ASB11: variants seen among roughly 807,000 people sequenced by gnomAD.
ASB11 encodes ankyrin repeat and SOCS box protein 11.
ASB11 carries 17 observed loss-of-function variants against 20.1 expected under a neutral mutation model. The observed-to-expected ratio is 0.85, with a 90% CI of 0.58 to 1.27. The LOEUF (loss-of-function observed/expected upper bound fraction) is 1.27, where lower values mean the gene tolerates loss of function less well. Ranked by LOEUF, ASB11 falls within the 50% of genes most tolerant of loss-of-function variation. The pLI, the probability that ASB11 is intolerant of heterozygous loss-of-function variation, is 0.00. For missense variants in ASB11, 259 were observed against 256.9 expected (o/e 1.01, Z -0.06); for synonymous variants, 107 against 105.6 (o/e 1.01, Z -0.08).
chrX:15,284,251 CAAAA>C (rs60542067), intron 6 of ASB11, among the ~76,000 whole-genome samples: 2,786 of 72,232 alleles, frequency 0.039, 136 homozygotes, highest in African/African-American at 0.15. Flanking sequence ...GACTCCGCCT[CAAAA>C]AAAAAAAAAA....
intron 3 of ASB11, among the ~76,000 whole-genome samples, chrX:15,295,646 G>A (rs1382193611): frequency 8.9e-6 from 1 of 111,884 alleles, no homozygotes. Context: ...TGCCAATTGT[G>A]GGGGACTTTC....
At chrX:15,304,894 G>C (rs1921188736) in intron 1 of ASB11, among the ~76,000 whole-genome samples, 2 of 111,315 alleles carry the variant, frequency 1.8e-5, no homozygotes, top group South Asian at 7.6e-4. Flanking sequence ...GGCTTCCATT[G>C]GCCAAATATG....
At chrX:15,300,115 TAAG>T (rs1413057679) in intron 2 of ASB11, among the ~76,000 whole-genome samples, 5 of 112,024 alleles carry the variant, frequency 4.5e-5, no homozygotes, top group African/African-American at 1.6e-4. Flanking sequence ...TTTGAGAAAA[TAAG>T]AAAAAACAGA....
chrX:15,312,640 C>T (rs1384959405), intron 1 of ASB11, among the ~76,000 whole-genome samples: 1 of 111,221 alleles, frequency 9.0e-6, no homozygotes, highest in African/African-American at 3.3e-5. Context: ...CTAGCAGACT[C>T]AAGAAACTTA....
At chrX:15,284,963 C>A (rs191474369) in intron 6 of ASB11, among the ~76,000 whole-genome samples, 33 of 111,144 alleles carry the variant, frequency 3.0e-4, no homozygotes, top group African/African-American at 1.0e-3. Flanking sequence ...AGATAGAAAG[C>A]TACCTGGAGG....
intron 1 of ASB11, among the ~76,000 whole-genome samples, chrX:15,314,793 C>T (rs1173621877): frequency 9.1e-6 from 1 of 110,465 alleles, no homozygotes; most frequent in Admixed American, 9.9e-5. Flanking sequence ...TAAAGTAAAT[C>T]ATTTCTTGAA....
At chrX:15,304,570 G>A (rs1253249607) in intron 1 of ASB11, among the ~76,000 whole-genome samples, 1 of 111,988 alleles carries the variant, frequency 8.9e-6, no homozygotes, top group Non-Finnish European at 1.9e-5. Flanking sequence ...ATACAAGATG[G>A]GCCTTAAACA....
At chrX:15,309,967 C>CAAAAAAAAAAAAAAA (rs60765469) in intron 1 of ASB11, among the ~76,000 whole-genome samples, 252 of 15,502 alleles carry the variant, frequency 0.016, 36 homozygotes, top group Non-Finnish European at 0.021. Flanking sequence ...GACTCCGTCT[C>CAAAAAAAAAAAAAAA]AAAAAAAAAA....
At chrX:15,300,052 C>T (rs1921017874) in intron 2 of ASB11, among the ~76,000 whole-genome samples, 1 of 112,503 alleles carries the variant, frequency 8.9e-6, no homozygotes, top group Non-Finnish European at 1.9e-5. Context: ...CTACATATTT[C>T]AAACTGGGCA....
chrX:15,315,064 G>T (rs1051788320), intron 1 of ASB11, among the ~76,000 whole-genome samples: 1 of 111,653 alleles, frequency 9.0e-6, no homozygotes, highest in African/African-American at 3.3e-5. Context: ...AGAGAATTTA[G>T]TCTGGTTAGA....
At chrX:15,295,792 C>T (rs193061027) in intron 3 of ASB11, among the ~76,000 whole-genome samples, 124 of 112,402 alleles carry the variant, frequency 1.1e-3, no homozygotes, top group African/African-American at 3.9e-3. Context: ...TCTCTTTGTG[C>T]CCAACAAAAC....
intron 6 of ASB11, among the ~76,000 whole-genome samples, chrX:15,285,582 A>G: frequency 8.9e-6 from 1 of 112,435 alleles, no homozygotes; most frequent in Admixed American, 9.5e-5. Flanking sequence ...GAAAACTTCT[A>G]TAAACTATAG....
chrX:15,307,678 G>A (rs1921289476), intron 1 of ASB11, among the ~76,000 whole-genome samples: 1 of 111,688 alleles, frequency 9.0e-6, no homozygotes, highest in Non-Finnish European at 1.9e-5. Context: ...CACAAGGAAG[G>A]GAAACTTGCC....
intron 5 of ASB11, among the ~76,000 whole-genome samples, chrX:15,288,637 A>G (rs762379602): frequency 1.6e-3 from 173 of 111,463 alleles, no homozygotes; most frequent in Middle Eastern, 9.2e-3. Flanking sequence ...TAATCCCAGC[A>G]CTTTGGGAGA....
chrX:15,307,891 T>G (rs746243837), intron 1 of ASB11, among the ~76,000 whole-genome samples: 1 of 112,382 alleles, frequency 8.9e-6, no homozygotes, highest in South Asian at 3.7e-4. Context: ...ATGAAGAGTT[T>G]CTAAAGTAAC....
intron 6 of ASB11, among the ~76,000 whole-genome samples, chrX:15,285,814 G>A (rs1336374946): frequency 2.7e-5 from 3 of 110,063 alleles, no homozygotes; most frequent in Non-Finnish European, 5.7e-5. Context: ...GACCAGCCTA[G>A]CCAACATGAT....
intron 3 of ASB11, among the ~76,000 whole-genome samples, chrX:15,296,043 A>G (rs1253145460): frequency 8.9e-6 from 1 of 112,222 alleles, no homozygotes; most frequent in Non-Finnish European, 1.9e-5. Flanking sequence ...GGAGTCTGAA[A>G]CCAGCATCGC....
At chrX:15,297,314 A>C (rs61274740) in intron 3 of ASB11, among the ~76,000 whole-genome samples, 1,251 of 111,877 alleles carry the variant, frequency 0.011, 20 homozygotes, top group African/African-American at 0.038. Context: ...CAAAACAAAA[A>C]AAAAACATGG....
intron 4 of ASB11, among the ~76,000 whole-genome samples, 189 bp downstream of exon 4, chrX:15,292,981 T>C (rs1416250922): frequency 8.9e-6 from 1 of 112,149 alleles, no homozygotes; most frequent in African/African-American, 3.2e-5. Context: ...TAGGGCTCTT[T>C]TGTGCCACAC....
Sources: gnomAD v4.1 joint callset for allele counts (sites outside exome capture counted in the v4.1 genomes callset) on GRCh38, gnomAD v4.1.1 for gene constraint, MANE v1.5 for transcripts, NCBI Gene and HGNC (gene_info 2026-07-23, HGNC 2026-07-21) for gene names.